The following GALE variants were observed in gnomAD, a reference collection of about 807,000 sequenced individuals.
GALE encodes the protein UDP-glucose 4-epimerase.
Under a neutral mutation model 44.1 loss-of-function variants are expected in GALE, and 32 were observed. That is an observed-to-expected ratio of 0.73 (90% confidence interval 0.55 to 0.97). The LOEUF (loss-of-function observed/expected upper bound fraction) is 0.97. GALE is among the 50% of genes least tolerant of loss of function. The pLI is 0.00. For synonymous variants in GALE, 182 were observed against 183.5 expected, an observed-to-expected ratio of 0.99 and a Z score of 0.06; for missense variants, 423 against 455.6, an observed-to-expected ratio of 0.93 and a Z score of 0.65.
rs745736492 is a variant in GALE at position 23,796,498 on chromosome 1, G to A, written c.873+11C>T. 1.4e-5 allele frequency: 23 copies of A among 1,610,542 alleles called. No homozygotes were observed. The highest frequency in any genetic ancestry group is 1.8e-5 in the Non-Finnish European group (21 of 1,179,274). On this transcript the variant is annotated intron_variant, in intron 10 of 11. Coordinates refer to ENST00000617979, the MANE Select transcript of GALE (RefSeq NM_001008216.2). The surrounding 1 kb of genome is among the most constrained non-coding windows in gnomAD (Gnocchi z 5.2). ...TGAGGTGGGTGAGGTGGGTGGGGCG[G>A]GGGGGCCTACCTTCTTCCCAGAGGC...
intron 6 of GALE, 113 bp from the exon 7 acceptor site, chr1:23,797,260 C>T (rs1638989441): frequency 1.3e-6 from 1 of 775,822 alleles, no homozygotes; most frequent in Non-Finnish European, 2.2e-6. Flanking sequence ...CTCACTATGG[C>T]CCAGGCTGGA....
Position 23,795,732 on chromosome 1 carries a change from G to T in GALE, c.*217C>A. ...CTCACTCACTCTTGGGGGTCCTGAT[G>T]AACTCTTGGACCCTGTGGAAGATAA... On this transcript the variant is annotated 3_prime_UTR_variant, in exon 12 of 12. Transcript: ENST00000617979. The T allele has an allele frequency of 1.6e-6, 1 of 606,604 alleles. No homozygotes were observed. Among genetic ancestry groups the T allele is most frequent in the Non-Finnish European group, 2.9e-6 (1 of 339,052 alleles). The allele number at this position is 606,604 out of a possible 1,614,324, so 37.6% of individuals were successfully genotyped here. A position where few individuals can be genotyped will look rare whatever the true frequency, so the allele number is the denominator to read the frequency against.
rs552900902 is a variant in GALE at position 23,797,262 on chromosome 1, C to T, written c.529-115G>A. The T allele has an allele frequency of 3.8e-5, 29 of 765,108 alleles. No individual in the cohort carries two copies. In the East Asian group the frequency reaches 7.5e-4, roughly 20 times the overall value. The allele number at this position is 765,108 out of a possible 1,614,324, so 47.4% of individuals were successfully genotyped here. A position where few individuals can be genotyped will look rare whatever the true frequency, so the allele number is the denominator to read the frequency against. On this transcript the variant is annotated intron_variant, in intron 6 of 11. Coordinates refer to ENST00000617979, the MANE Select transcript of GALE (RefSeq NM_001008216.2). ...TTTGAGATGGAGTCTCACTATGGCC[C>T]AGGCTGGAGTGTAGTGGCCTGATTT...
rs1052479838 is a variant in GALE, at chr1:23,796,280, G to A, written c.874-15C>T. On this transcript the variant is annotated splice_polypyrimidine_tract_variant and intron_variant, in intron 10 of 11. Coordinates refer to ENST00000617979, the MANE Select transcript of GALE (RefSeq NM_001008216.2). The surrounding 1 kb of genome is among the most constrained non-coding windows in gnomAD (Gnocchi z 5.2). The stretch of plus-strand genomic sequence containing the variant: ...TTGTACGGGATCTGCAAGACAGGAG[G>A]TAGTTGGAGCTTAGCTGAGCCGGCC... 2 of 1,610,470 alleles carry A rather than the reference G, an allele frequency of 1.2e-6. No individual in the cohort carries two copies. The highest frequency in any genetic ancestry group is 2.7e-5 in the African/African-American group (2 of 74,862).
In GALE at chr1:23,798,795, GAC is replaced by G; in HGVS notation, c.122-67_122-66del. The G allele has an allele frequency of 2.5e-6, 4 of 1,609,792 alleles. No individual in the cohort carries two copies. Among genetic ancestry groups the G allele is most frequent in the South Asian group, 2.2e-5 (2 of 90,976 alleles). ...GTGCTGTGTTCCCAGGGACTAGCCA[GAC>G]ACACATTCCCCGCCCGGTGGTGGAG... On this transcript the variant is annotated intron_variant, in intron 3 of 11. Transcript: ENST00000617979. The surrounding 1 kb of genome is among the most constrained non-coding windows in gnomAD (Gnocchi z 4.5).
At position 23,796,861 on chromosome 1, in the gene GALE, T is replaced by C; in HGVS notation, c.709+15A>G. 1 of 1,612,580 alleles carries C rather than the reference T, an allele frequency of 6.2e-7. No individual in the cohort carries two copies. Among genetic ancestry groups the C allele is most frequent in the Non-Finnish European group, 8.5e-7 (1 of 1,179,264 alleles). On this transcript the variant is annotated intron_variant, in intron 8 of 11. Transcript: ENST00000617979. The surrounding 1 kb of genome is among the most constrained non-coding windows in gnomAD (Gnocchi z 5.2). ...CCTGGCTCCCACTCCTAGGTCCCCC[T>C]GGTCCTAGGCTCACCTGTGCCATCC...
Position 23,797,040 on chromosome 1 carries a change from G to T in GALE, c.636C>A (p.Val212=), listed in dbSNP as rs1389018017. 2 of 1,612,558 alleles carry T rather than the reference G, an allele frequency of 1.2e-6. No homozygotes were observed. ...QGIPNNLMPY[V]SQVAIGRREA... ...CCCTTCCCTTTTGCCTTACCTGGGA[G>T]ACATAAGGCATGAGGTTGTTGGGTA... The change falls in exon 7 of 12, where the codon GTC becomes GTA. Residue 212 remains valine (V), a synonymous_variant. Transcript: ENST00000617979.
At position 23,797,511 on chromosome 1, in the gene GALE, C is replaced by T. The variant is rs142238517; in HGVS notation, c.528+184G>A. ...CTGAGATTACAGGTATGAGCCACTGCGCCCGGCCAGTTGTCTATTTATTAT... is the reference window on the plus strand; with the variant it reads ...CTGAGATTACAGGTATGAGCCACTGTGCCCGGCCAGTTGTCTATTTATTAT... On this transcript the variant is annotated intron_variant, in intron 6 of 11. Transcript: ENST00000617979. Among the ~76,000 whole-genome samples the T allele has an allele frequency of 1.5e-4, 23 of 152,210 alleles. No homozygotes were observed. In the East Asian group the frequency reaches 3.9e-3, roughly 26 times the overall value.
Position 23,798,759 on chromosome 1 carries a change from CA to C in GALE, c.122-30del. The C allele has an allele frequency of 6.2e-7, 1 of 1,609,190 alleles. No homozygotes were observed. The highest frequency in any genetic ancestry group is 8.5e-7 in the Non-Finnish European group (1 of 1,175,478). On this transcript the variant is annotated intron_variant, in intron 3 of 11. Coordinates refer to ENST00000617979, the MANE Select transcript of GALE (RefSeq NM_001008216.2). This position sits in a 1 kb window ranked among gnomAD's most constrained non-coding sequence, Gnocchi z 4.5. ...GTAGGGTACATGTAGGCCACATCAT[CA>C]CGACATGGGGTGCTGTGTTCCCAGG...
rs202173940 is a variant in GALE at position 23,796,681 on chromosome 1, T to C, written c.795+16A>G. On this transcript the variant is annotated intron_variant, in intron 9 of 11. Coordinates refer to ENST00000617979, the MANE Select transcript of GALE (RefSeq NM_001008216.2). The surrounding 1 kb of genome is among the most constrained non-coding windows in gnomAD (Gnocchi z 5.2). ...TCTGGTCCCTCCCCTCCCTCACTTC[T>C]CCCTTCTCTTCCTACCCGGCAGCCA... is the stretch of plus-strand genomic sequence containing the variant. 9.3e-6 allele frequency: 15 copies of C among 1,613,504 alleles called. No individual in the cohort carries two copies. The East Asian group carries it at 3.3e-4, about 36-fold the overall frequency.
chr1:23,797,380 G>A (rs557248128), intron 6 of GALE, among the ~76,000 whole-genome samples: 1 of 152,182 alleles, frequency 6.6e-6, no homozygotes, highest in South Asian at 2.1e-4. Context: ...CACCATGGCC[G>A]GCTAATGTTT....
In GALE at chr1:23,796,986, C is replaced by G. The variant is rs1329722621; in HGVS notation, c.643-44G>C. 1.9e-6 allele frequency: 3 copies of G among 1,608,618 alleles called. No individual in the cohort carries two copies. The African/African-American group carries it at 4.0e-5, about 21-fold the overall frequency. ...TCAGTTCGTCCCAGATCCCAGGCACCAGCTTTAACCCCAGGGCCACTCCTC... is the reference window on the plus strand; with the variant it reads ...TCAGTTCGTCCCAGATCCCAGGCACGAGCTTTAACCCCAGGGCCACTCCTC... On this transcript the variant is annotated intron_variant, in intron 7 of 11. Transcript: ENST00000617979. This position sits in a 1 kb window ranked among gnomAD's most constrained non-coding sequence, Gnocchi z 5.2.
intron 5 of GALE, 117 bp from the exon 6 acceptor site, chr1:23,797,988 A>G (rs1214250870): frequency 8.9e-6 from 12 of 1,341,696 alleles, no homozygotes; most frequent in South Asian, 4.7e-5. Flanking sequence ...AGATGGGGAA[A>G]CTGAGACTGG....
In GALE at chr1:23,798,020, G is replaced by A; in HGVS notation, c.351+97C>T. 7.6e-7 allele frequency: 1 copy of A among 1,320,840 alleles called. No individual in the cohort carries two copies. 81.8% of individuals were successfully genotyped at this position (1,320,840 alleles called of 1,614,324 possible). On this transcript the variant is annotated intron_variant, in intron 5 of 11. Transcript: ENST00000617979. The surrounding 1 kb of genome is among the most constrained non-coding windows in gnomAD (Gnocchi z 4.5). ...CTGGGAGGTAAAGACATGAGTCCAGGATGATACAGCTTGGGCTCTGTGTTT... is the reference window on the plus strand; with the variant it reads ...CTGGGAGGTAAAGACATGAGTCCAGAATGATACAGCTTGGGCTCTGTGTTT...
chr1:23,798,638 C>G lies in GALE; in HGVS notation c.214G>C (p.Ala72Pro), dbSNP rs1215466658. 6.2e-7 allele frequency: 1 copy of G among 1,613,710 alleles called. No individual in the cohort carries two copies. Among genetic ancestry groups the G allele is most frequent in the Admixed American group, 1.7e-5 (1 of 60,020 alleles). The change falls in exon 4 of 12, where the codon GCC (alanine) becomes CCC (proline). Residue 72 changes from alanine to proline, a missense_variant. Transcript: ENST00000617979. This position sits in a 1 kb window ranked among gnomAD's most constrained non-coding sequence, Gnocchi z 4.5. ...FEEMDILDQG[A>P]LQRLFKKYSF... ...ACCTTTTTGAAGAGACGCTGTAGGG[C>G]TCCCTGGTCCAAAATGTCCATCTCC...
chr1:23,796,263 G>C lies in GALE; in HGVS notation c.876C>G (p.Ile292Met). 1 of 1,613,648 alleles carries C rather than the reference G, an allele frequency of 6.2e-7. No individual in the cohort carries two copies. Among genetic ancestry groups the C allele is most frequent in the Non-Finnish European group, 8.5e-7 (1 of 1,179,524 alleles). The change falls in exon 11 of 12, where the codon ATC becomes ATG. Residue 292 changes from isoleucine to methionine, a missense_variant and splice_region_variant. Coordinates refer to ENST00000617979, the MANE Select transcript of GALE (RefSeq NM_001008216.2). The surrounding 1 kb of genome is among the most constrained non-coding windows in gnomAD (Gnocchi z 5.2). The part of the protein sequence containing the change: ...QAMEKASGKK[I>M]PYKVVARREG... ...CCCGCCGTGCCACCACCTTGTACGG[G>C]ATCTGCAAGACAGGAGGTAGTTGGA... is the stretch of plus-strand genomic sequence containing the variant.
chr1:23,798,737 G>A lies in GALE; in HGVS notation c.122-7C>T. 2.5e-6 allele frequency: 4 copies of A among 1,612,930 alleles called. No individual in the cohort carries two copies. Among genetic ancestry groups the A allele is most frequent in the Non-Finnish European group, 3.4e-6 (4 of 1,178,920 alleles). ...TCAGGCAGGGAGCCCCCTCCTGGTA[G>A]GGTACATGTAGGCCACATCATCACG... is the stretch of plus-strand genomic sequence containing the variant. On this transcript the variant is annotated splice_region_variant and splice_polypyrimidine_tract_variant and intron_variant, in intron 3 of 11. Transcript: ENST00000617979. This position sits in a 1 kb window ranked among gnomAD's most constrained non-coding sequence, Gnocchi z 4.5.
chr1:23,800,577 C>G (rs892978792), intron 1 of GALE, 135 bp downstream of exon 1: 2 of 152,450 alleles, frequency 1.3e-5, no homozygotes, highest in East Asian at 3.9e-4. Flanking sequence ...CAGCGGGGAA[C>G]TGGGACAAAG....
In GALE at chr1:23,796,858, C is replaced by T. The variant is rs200584878; in HGVS notation, c.709+18G>A. On this transcript the variant is annotated intron_variant, in intron 8 of 11. Transcript: ENST00000617979. This position sits in a 1 kb window ranked among gnomAD's most constrained non-coding sequence, Gnocchi z 5.2. Reference sequence around the variant, plus strand: ...CTTCCTGGCTCCCACTCCTAGGTCCCCCTGGTCCTAGGCTCACCTGTGCCA... The same window carrying T: ...CTTCCTGGCTCCCACTCCTAGGTCCTCCTGGTCCTAGGCTCACCTGTGCCA... 2,935 of 1,612,268 alleles carry T rather than the reference C, an allele frequency of 1.8e-3. 12 individuals are homozygous for T. Among genetic ancestry groups the T allele is most frequent in the Middle Eastern group, 2.6e-3 (16 of 6,062 alleles).
Sources: allele counts gnomAD v4.1 joint callset (sites outside exome capture counted in the v4.1 genomes callset), GRCh38; gene constraint gnomAD v4.1.1; non-coding constraint Gnocchi (gnomAD v3.1); transcripts MANE v1.5; gene names NCBI Gene and HGNC (gene_info 2026-07-23, HGNC 2026-07-21).